The following CDIN1 variants were observed in gnomAD, a reference collection of about 807,000 sequenced individuals.
CDIN1 encodes the protein CDAN1 interacting nuclease 1, also known as CDAN1-interacting nuclease 1.
In CDIN1, 33 loss-of-function variants were observed where a neutral mutation model predicts 45.3. That is an observed-to-expected ratio of 0.73 (90% CI 0.55 to 0.97). The LOEUF is 0.97. Among genes scored for constraint, CDIN1 ranks in the 50% least tolerant of loss-of-function variants. The pLI, the probability that CDIN1 is intolerant of heterozygous loss-of-function variation, is 0.00. For missense variants in CDIN1, 303 were observed against 339.4 expected (o/e 0.89, Z 0.84); for synonymous variants, 118 against 124.4 (o/e 0.95, Z 0.34).
intron 1 of CDIN1, among the ~76,000 whole-genome samples, chr15:36,604,044 A>G (rs1049360733): frequency 6.6e-6 from 1 of 152,172 alleles, no homozygotes; most frequent in Non-Finnish European, 1.5e-5. Flanking sequence ...TTATTGGAAG[A>G]CAGATTTTCT....
intron 1 of CDIN1, among the ~76,000 whole-genome samples, chr15:36,642,825 T>C (rs1184092733): frequency 1.3e-5 from 2 of 152,220 alleles, no homozygotes; most frequent in Non-Finnish European, 2.9e-5. Context: ...TACCATTAGA[T>C]GGTTAATAAT....
At chr15:36,709,126 A>G in intron 8 of CDIN1, 97 bp from the exon 9 acceptor site, 1 of 978,836 alleles carries the variant, frequency 1.0e-6, no homozygotes, top group South Asian at 2.1e-5. Context: ...TGACTACAGT[A>G]GTAATTTTTA....
intron 3 of CDIN1, among the ~76,000 whole-genome samples, chr15:36,646,438 T>C (rs145585340): frequency 3.0e-4 from 45 of 152,086 alleles, no homozygotes; most frequent in African/African-American, 1.1e-3. Flanking sequence ...CACAGACACA[T>C]ACACACACAC....
intron 7 of CDIN1, among the ~76,000 whole-genome samples, chr15:36,696,189 C>G (rs540425052): frequency 1.3e-4 from 20 of 152,180 alleles, no homozygotes; most frequent in African/African-American, 4.6e-4. Flanking sequence ...ACATAGTAAG[C>G]ACTGAAAAAA....
intron 1 of CDIN1, among the ~76,000 whole-genome samples, chr15:36,642,370 G>A (rs573251788): frequency 3.5e-4 from 54 of 152,274 alleles, no homozygotes; most frequent in Admixed American, 1.2e-3. Flanking sequence ...TTGTGGACCC[G>A]AATCTGTCTT....
chr15:36,598,343 C>T (rs549682730), intron 1 of CDIN1, among the ~76,000 whole-genome samples: 1 of 151,128 alleles, frequency 6.6e-6, no homozygotes, highest in Non-Finnish European at 1.5e-5. Context: ...ACTTTTACTA[C>T]ATTTTAAACA....
chr15:36,613,761 G>A lies in CDIN1; in HGVS notation c.102-30517G>A, dbSNP rs560069003. On this transcript the variant is annotated intron_variant, in intron 1 of 10. Transcript: ENST00000566621. Reference sequence around the variant, plus strand: ...ACAGGTATGAAGGTTTTTGAAAACCGGGCCTTAAAAGATGAAGAAAAGATA... The same window carrying A: ...ACAGGTATGAAGGTTTTTGAAAACCAGGCCTTAAAAGATGAAGAAAAGATA... 7.1e-5 allele frequency: 113 copies of A among 1,600,222 alleles called. No homozygotes were observed. In the African/African-American group the frequency reaches 1.2e-3, roughly 16 times the overall value.
chr15:36,808,327 T>C lies in CDIN1; in HGVS notation c.720T>C (p.Phe240=), dbSNP rs900345046. 2.6e-5 allele frequency: 42 copies of C among 1,613,252 alleles called. No individual in the cohort carries two copies. Among genetic ancestry groups the C allele is most frequent in the Non-Finnish European group, 3.4e-5 (40 of 1,179,482 alleles). ...TTATTTTCTGGTGTTTTTACAGATT[T>C]GGGCCAGGCTTAGTCATCTATTGGT... is the stretch of plus-strand genomic sequence containing the variant. The part of the protein sequence containing the change: ...HDQFWSYWNR[F]GPGLVIYWYG... Residue 240 remains phenylalanine, a synonymous_variant, in exon 11 of 11, where the codon TTT becomes TTC. Transcript: ENST00000566621.
chr15:36,626,387 T>TAA (rs34442047), intron 1 of CDIN1, among the ~76,000 whole-genome samples: 18,751 of 143,426 alleles, frequency 0.13, 1,279 homozygotes, highest in African/African-American at 0.18. Context: ...ATCCATTTCT[T>TAA]AAAAAAAAAA....
At chr15:36,649,949 C>T (rs1390407407) in intron 3 of CDIN1, among the ~76,000 whole-genome samples, 1 of 152,186 alleles carries the variant, frequency 6.6e-6, no homozygotes, top group East Asian at 1.9e-4. Context: ...GAGTGTAAAG[C>T]AGATGGTGCT....
intron 10 of CDIN1, among the ~76,000 whole-genome samples, chr15:36,720,671 C>T (rs1237124256): frequency 1.3e-5 from 2 of 152,166 alleles, no homozygotes; most frequent in Admixed American, 1.3e-4. Context: ...TTAATCCAGT[C>T]TATCACTGAT....
intron 1 of CDIN1, among the ~76,000 whole-genome samples, chr15:36,585,995 A>T (rs984102387): frequency 6.6e-6 from 1 of 152,152 alleles, no homozygotes; most frequent in African/African-American, 2.4e-5. Flanking sequence ...CTCTTTTATC[A>T]TGAGCTCATT....
chr15:36,653,965 A>G (rs2040677345), intron 3 of CDIN1, 133 bp from the exon 4 acceptor site: 1 of 630,482 alleles, frequency 1.6e-6, no homozygotes. Context: ...CTTTCCTATG[A>G]AAGTAGCTTA....
At chr15:36,647,349 C>A (rs1027910161) in intron 3 of CDIN1, among the ~76,000 whole-genome samples, 5 of 152,100 alleles carry the variant, frequency 3.3e-5, no homozygotes, top group South Asian at 2.1e-4. Flanking sequence ...TTTAAGTATA[C>A]CCAATGATGA....
chr15:36,746,752 CTT>C (rs760613983), intron 10 of CDIN1, among the ~76,000 whole-genome samples: 934 of 74,252 alleles, frequency 0.013, 5 homozygotes, highest in African/African-American at 0.055. Context: ...GGAAACGTGT[CTT>C]TTTTTTTTTT....
intron 10 of CDIN1, among the ~76,000 whole-genome samples, chr15:36,736,847 C>T (rs542302818): frequency 8.5e-5 from 13 of 152,054 alleles, no homozygotes; most frequent in Non-Finnish European, 1.8e-4. Context: ...ACAAATATGC[C>T]TCACACCCTT....
intron 1 of CDIN1, among the ~76,000 whole-genome samples, chr15:36,616,339 A>G (rs983790915): frequency 6.6e-6 from 1 of 151,264 alleles, no homozygotes; most frequent in Non-Finnish European, 1.5e-5. Context: ...CTGGAGTGCA[A>G]TGGCACAATC....
chr15:36,711,014 C>T (rs902011920), intron 10 of CDIN1, among the ~76,000 whole-genome samples: 5 of 152,138 alleles, frequency 3.3e-5, no homozygotes, highest in Admixed American at 6.6e-5. Flanking sequence ...GCGTGGCATC[C>T]GAGCTTTACT....
intron 9 of CDIN1, 57 bp from the exon 10 acceptor site, chr15:36,709,799 C>T: frequency 7.1e-7 from 1 of 1,403,768 alleles, no homozygotes; most frequent in South Asian, 1.2e-5. Flanking sequence ...GTACAGAGTT[C>T]AGAATTTTCA....
Sources: allele counts gnomAD v4.1 joint callset (sites outside exome capture counted in the v4.1 genomes callset), GRCh38; gene constraint gnomAD v4.1.1; transcripts MANE v1.5; gene names NCBI Gene and HGNC (gene_info 2026-07-23, HGNC 2026-07-21).